The following F13A1 variants were observed in gnomAD, a reference collection of about 807,000 sequenced individuals.
F13A1 encodes the protein coagulation factor XIII A chain, also known as FSF, A subunit.
F13A1 carries 47 observed loss-of-function variants against 80.1 expected under a neutral mutation model. The observed-to-expected ratio is 0.59, with a 90% CI of 0.46 to 0.75. The LOEUF (loss-of-function observed/expected upper bound fraction) is 0.75, where lower values mean the gene tolerates loss of function less well. Among genes scored for constraint, F13A1 ranks in the 30% least tolerant of loss-of-function variants. F13A1 has a pLI of 0.00. For missense variants in F13A1, 817 were observed against 930.4 expected, an observed-to-expected ratio of 0.88 and a Z score of 1.59; for synonymous variants, 349 against 344.9, an observed-to-expected ratio of 1.01 and a Z score of -0.13.
At chr6:6,232,026 G>A (rs562422071) in intron 6 of F13A1, among the ~76,000 whole-genome samples, 26 of 151,990 alleles carry the variant, frequency 1.7e-4, no homozygotes, top group African/African-American at 6.0e-4. Flanking sequence ...AAGTTAAAAA[G>A]CAAAAACAAA....
At chr6:6,300,498 C>G (rs1238387420) in intron 3 of F13A1, among the ~76,000 whole-genome samples, 1 of 152,014 alleles carries the variant, frequency 6.6e-6, no homozygotes, top group African/African-American at 2.4e-5. Context: ...GGGAGTGACC[C>G]CATTTTCCAG....
rs368451765 is a variant in F13A1 at position 6,162,263 on chromosome 6, C to T, written c.1908+5195G>A. 7.2e-4 allele frequency among the ~76,000 whole-genome samples: 109 copies of T among 152,280 alleles called. 1 individual carries two copies. Among genetic ancestry groups the T allele is most frequent in the African/African-American group, 2.5e-3 (102 of 41,546 alleles). ...CCTTACTCATCCCTGCTCCCAGCCT[C>T]CACCCCAGCCAAGGCACGCTTCTCA... On this transcript the variant is annotated intron_variant, in intron 13 of 14. Coordinates refer to ENST00000264870, the MANE Select transcript of F13A1 (RefSeq NM_000129.4). The surrounding 1 kb of genome is among the most constrained non-coding windows in gnomAD (Gnocchi z 4.2).
chr6:6,266,328 C>T (rs1014751613), intron 4 of F13A1, among the ~76,000 whole-genome samples: 2 of 152,158 alleles, frequency 1.3e-5, no homozygotes, highest in Non-Finnish European at 2.9e-5. Context: ...AACTCCCGAA[C>T]TCAAGCAATT....
chr6:6,167,726 G>T, intron 12 of F13A1, 108 bp from the exon 13 acceptor site: 1 of 1,260,962 alleles, frequency 7.9e-7, no homozygotes, highest in East Asian at 2.5e-5. Flanking sequence ...GAAGCCACCA[G>T]GAACACAGCA....
intron 11 of F13A1, among the ~76,000 whole-genome samples, chr6:6,179,376 A>T (rs1309608362): frequency 6.6e-6 from 1 of 152,254 alleles, no homozygotes; most frequent in African/African-American, 2.4e-5. Context: ...TCATTAAAAT[A>T]GTTAAGTCCT....
chr6:6,312,237 C>T (rs1035593961), intron 2 of F13A1, among the ~76,000 whole-genome samples: 2 of 151,494 alleles, frequency 1.3e-5, no homozygotes, highest in African/African-American at 4.8e-5. Flanking sequence ...GTTACTTTTT[C>T]TAAGTGATCT....
Position 6,184,599 on chromosome 6 carries a change from G to A in F13A1, c.1306-2458C>T, listed in dbSNP as rs1761044193. Among the ~76,000 whole-genome samples the A allele has an allele frequency of 1.1e-4, 16 of 152,208 alleles. 1 individual carries two copies. The highest frequency in any genetic ancestry group is 1.0e-3 in the Admixed American group (16 of 15,272). On this transcript the variant is annotated intron_variant, in intron 10 of 14. Coordinates refer to ENST00000264870, the MANE Select transcript of F13A1 (RefSeq NM_000129.4). The stretch of plus-strand genomic sequence containing the variant: ...TGAGAATTCGGGAATTCCCTCTGGA[G>A]GAAGCCATGTAAGTACAAACAGCGA...
intron 6 of F13A1, among the ~76,000 whole-genome samples, chr6:6,228,438 T>G (rs1757306258): frequency 6.6e-6 from 1 of 152,074 alleles, no homozygotes; most frequent in East Asian, 1.9e-4. Flanking sequence ...TAGAAAGTAA[T>G]AAATATAATC....
At chr6:6,260,678 G>C (rs1013369776) in intron 4 of F13A1, among the ~76,000 whole-genome samples, 1 of 152,120 alleles carries the variant, frequency 6.6e-6, no homozygotes, top group Non-Finnish European at 1.5e-5. Context: ...TAAGTGGGGA[G>C]ATGAACTCTT....
intron 14 of F13A1, 146 bp from the exon 15 acceptor site, chr6:6,145,918 C>T: frequency 9.7e-7 from 1 of 1,027,776 alleles, no homozygotes; most frequent in South Asian, 1.4e-5. Context: ...GCTGATTCAG[C>T]AAGTTATGCC....
chr6:6,263,653 T>C (rs914630619), intron 4 of F13A1, among the ~76,000 whole-genome samples: 1 of 152,242 alleles, frequency 6.6e-6, no homozygotes, highest in Admixed American at 6.5e-5. Flanking sequence ...GCATGTCTCA[T>C]AGACATCACC....
intron 6 of F13A1, among the ~76,000 whole-genome samples, chr6:6,247,945 A>G (rs1224506173): frequency 6.6e-6 from 1 of 152,250 alleles, no homozygotes; most frequent in African/African-American, 2.4e-5. Flanking sequence ...TGCCTTGCAC[A>G]TCTTCTGTGC....
intron 6 of F13A1, among the ~76,000 whole-genome samples, chr6:6,241,566 T>A (rs561387007): frequency 1.3e-5 from 2 of 152,314 alleles, no homozygotes; most frequent in South Asian, 4.1e-4. Flanking sequence ...TCCTTGGTGA[T>A]TTAGAAATGC....
At chr6:6,287,839 C>G (rs564697630) in intron 3 of F13A1, among the ~76,000 whole-genome samples, 2 of 152,196 alleles carry the variant, frequency 1.3e-5, no homozygotes, top group South Asian at 4.2e-4. Context: ...TTGTCAGAGC[C>G]CCTATGTGAC....
chr6:6,303,232 A>G (rs951518029), intron 3 of F13A1, among the ~76,000 whole-genome samples: 9 of 152,152 alleles, frequency 5.9e-5, no homozygotes, highest in South Asian at 4.1e-4. Flanking sequence ...TCTTTGTATG[A>G]TTTCCTTGGT....
At chr6:6,170,733 A>G (rs1448633281) in intron 12 of F13A1, among the ~76,000 whole-genome samples, 1 of 152,114 alleles carries the variant, frequency 6.6e-6, no homozygotes, top group Non-Finnish European at 1.5e-5. Context: ...TTAATCATCA[A>G]TCTGGAAAGT....
intron 14 of F13A1, 122 bp downstream of exon 14, chr6:6,151,691 G>A: frequency 7.3e-7 from 1 of 1,376,898 alleles, no homozygotes; most frequent in Non-Finnish European, 1.0e-6. Context: ...TGGTCGGCAA[G>A]GAGGAGGCAG....
intron 14 of F13A1, among the ~76,000 whole-genome samples, chr6:6,150,911 T>C (rs2151068153): frequency 6.6e-6 from 1 of 152,092 alleles, no homozygotes; most frequent in African/African-American, 2.4e-5. Context: ...GGACAGATAT[T>C]TGTCCCCAGG....
intron 13 of F13A1, among the ~76,000 whole-genome samples, chr6:6,156,897 A>C (rs13220642): frequency 0.2 from 30,682 of 152,096 alleles, 3,210 homozygotes; most frequent in Middle Eastern, 0.28. Flanking sequence ...CAGATTTAAA[A>C]TGTTCCCATT....
Sources: allele counts gnomAD v4.1 joint callset (sites outside exome capture counted in the v4.1 genomes callset), GRCh38; gene constraint gnomAD v4.1.1; non-coding constraint Gnocchi (gnomAD v3.1); transcripts MANE v1.5; gene names NCBI Gene and HGNC (gene_info 2026-07-23, HGNC 2026-07-21).